The following ST6GALNAC5 variants were observed in gnomAD, a reference collection of about 807,000 sequenced individuals.
ST6GALNAC5 encodes ST6 N-acetylgalactosaminide alpha-2,6-sialyltransferase 5.
Under a neutral mutation model 33.6 loss-of-function variants are expected in ST6GALNAC5, and 27 were observed. The ratio of observed to expected loss-of-function variants is 0.80; its 90% CI spans 0.59 to 1.11. The LOEUF is 1.11. ST6GALNAC5 is among the 50% of genes least tolerant of loss of function. The pLI is 0.00. For missense variants in ST6GALNAC5, 428 were observed against 454.0 expected, an observed-to-expected ratio of 0.94 and a Z score of 0.52; for synonymous variants, 194 against 171.2, an observed-to-expected ratio of 1.13 and a Z score of -1.04.
In ST6GALNAC5 at chr1:76,868,729, T is replaced by G; in HGVS notation, c.248T>G (p.Val83Gly). 6.6e-7 allele frequency: 1 copy of G among 1,510,418 alleles called. No homozygotes were observed. Among genetic ancestry groups the G allele is most frequent in the Non-Finnish European group, 8.8e-7 (1 of 1,132,338 alleles). The allele number at this position is 1,510,418 out of a possible 1,614,324, so 93.6% of individuals were successfully genotyped here. ...GPRPLDGYLG[V>G]ADHKPLKMHC... is the part of the protein sequence containing the mutation. ...CGGCCACTGGACGGATACCTCGGAG[T>G]GGCGGACCACAAGGTGACAGCATGC... Residue 83 changes from valine (V) to glycine (G), a missense_variant, in exon 2 of 5, where the codon GTG becomes GGG. By Grantham distance (109) the Val-to-Gly change is moderately radical (BLOSUM62 -3). Coordinates refer to ENST00000477717, the MANE Select transcript of ST6GALNAC5 (RefSeq NM_030965.3). The surrounding 1 kb of genome is among the most constrained non-coding windows in gnomAD (Gnocchi z 4.3).
At chr1:76,912,728 C>T (rs1488560527) in intron 2 of ST6GALNAC5, among the ~76,000 whole-genome samples, 1 of 151,948 alleles carries the variant, frequency 6.6e-6, no homozygotes, top group Non-Finnish European at 1.5e-5. Context: ...TCTGTTTTAT[C>T]AGAGACTAGG....
chr1:76,867,813 G>A lies in ST6GALNAC5; in HGVS notation c.15+123G>A. ...GGCCGCGAGGTCGCCTGTTACAAAG[G>A]GACAACTTTCTACCCGCTCCGCGTT... On this transcript the variant is annotated intron_variant, in intron 1 of 4. Coordinates refer to ENST00000477717, the MANE Select transcript of ST6GALNAC5 (RefSeq NM_030965.3). 16 of 1,407,774 alleles carry A rather than the reference G, an allele frequency of 1.1e-5. No homozygotes were observed. In the South Asian group the frequency reaches 1.2e-4, roughly 10 times the overall value. The allele number at this position is 1,407,774 out of a possible 1,614,324, so 87.2% of individuals were successfully genotyped here.
intron 2 of ST6GALNAC5, among the ~76,000 whole-genome samples, chr1:77,036,455 A>G (rs531519776): frequency 2.0e-5 from 3 of 152,344 alleles, no homozygotes; most frequent in Non-Finnish European, 2.9e-5. Flanking sequence ...ATAATTTTAC[A>G]AATAGAATGG....
chr1:77,031,771 C>A (rs1380271066), intron 2 of ST6GALNAC5, among the ~76,000 whole-genome samples: 2 of 152,176 alleles, frequency 1.3e-5, no homozygotes, highest in Non-Finnish European at 2.9e-5. Flanking sequence ...ATTTGTACAG[C>A]AAATATATAG....
chr1:77,033,184 G>C (rs1570118656), intron 2 of ST6GALNAC5, among the ~76,000 whole-genome samples: 2 of 152,182 alleles, frequency 1.3e-5, no homozygotes, highest in East Asian at 3.9e-4. Flanking sequence ...AAATAGGCCT[G>C]TCCCACTGAC....
intron 4 of ST6GALNAC5, among the ~76,000 whole-genome samples, chr1:77,060,751 T>C (rs959121574): frequency 1.4e-4 from 22 of 152,174 alleles, no homozygotes; most frequent in Non-Finnish European, 2.9e-4. Flanking sequence ...GTAGCATCTT[T>C]AGCTGGTTTC....
chr1:76,954,481 G>C (rs1477470919), intron 2 of ST6GALNAC5, among the ~76,000 whole-genome samples: 1 of 152,002 alleles, frequency 6.6e-6, no homozygotes, highest in Non-Finnish European at 1.5e-5. Context: ...CATGGCACAC[G>C]TTTACCTGTG....
intron 4 of ST6GALNAC5, among the ~76,000 whole-genome samples, chr1:77,052,510 G>C (rs1652255913): frequency 6.6e-6 from 1 of 152,096 alleles, no homozygotes; most frequent in South Asian, 2.1e-4. Context: ...GTTGGATGCA[G>C]TTCCTAGCAC....
chr1:77,050,106 T>C (rs1048313365), intron 3 of ST6GALNAC5, 152 bp from the exon 4 acceptor site: 4 of 614,604 alleles, frequency 6.5e-6, no homozygotes, highest in African/African-American at 3.6e-5. Context: ...GTAAGAGATG[T>C]CAATTTGATA....
chr1:76,898,214 G>A (rs1279932036), intron 2 of ST6GALNAC5, among the ~76,000 whole-genome samples: 7 of 152,178 alleles, frequency 4.6e-5, no homozygotes, highest in South Asian at 2.1e-4. Flanking sequence ...CGGCCCAGTG[G>A]CCAGATTTCC....
intron 2 of ST6GALNAC5, among the ~76,000 whole-genome samples, chr1:76,954,944 T>C (rs1160868036): frequency 6.6e-6 from 1 of 152,142 alleles, no homozygotes; most frequent in Admixed American, 6.6e-5. Context: ...ATTTAACAAA[T>C]ACTTGATGAG....
chr1:76,976,020 C>T (rs1011781750), intron 2 of ST6GALNAC5, among the ~76,000 whole-genome samples: 3 of 151,970 alleles, frequency 2.0e-5, no homozygotes, highest in Admixed American at 6.6e-5. Flanking sequence ...GCTTGAAACC[C>T]GGAGGTGGAG....
Position 77,033,591 on chromosome 1 carries a change from G to A in ST6GALNAC5, c.262-10613G>A, listed in dbSNP as rs1033951002. ...TGGCACATTAGTTGAACACTTAGTC[G>A]TGTTATGTGGGGTAACATCGTTGTT... On this transcript the variant is annotated intron_variant, in intron 2 of 4. Transcript: ENST00000477717. 3.5e-5 allele frequency among the ~76,000 whole-genome samples: 5 copies of A among 142,566 alleles called. No individual in the cohort carries two copies. The East Asian group carries it at 7.9e-4, about 23-fold the overall frequency. The allele number at this position is 142,566 out of a possible 152,430, so 93.5% of individuals were successfully genotyped here. A position where few individuals can be genotyped will look rare whatever the true frequency, so the allele number is the denominator to read the frequency against.
chr1:76,902,021 G>A (rs1281570554), intron 2 of ST6GALNAC5, among the ~76,000 whole-genome samples: 3 of 151,906 alleles, frequency 2.0e-5, no homozygotes, highest in Non-Finnish European at 4.4e-5. Flanking sequence ...ATCCAGAAAA[G>A]TGTTATAAAA....
At chr1:77,032,399 T>C (rs1449651954) in intron 2 of ST6GALNAC5, among the ~76,000 whole-genome samples, 1 of 152,048 alleles carries the variant, frequency 6.6e-6, no homozygotes, top group Non-Finnish European at 1.5e-5. Context: ...GATAGTGAGT[T>C]GAACCAGGGG....
At chr1:76,969,145 C>T (rs558321971) in intron 2 of ST6GALNAC5, among the ~76,000 whole-genome samples, 1 of 152,296 alleles carries the variant, frequency 6.6e-6, no homozygotes. Context: ...ACTGAGGTTC[C>T]TGGTTCATCA....
At chr1:76,980,174 G>A (rs1649193151) in intron 2 of ST6GALNAC5, among the ~76,000 whole-genome samples, 1 of 151,942 alleles carries the variant, frequency 6.6e-6, no homozygotes, top group African/African-American at 2.4e-5. Context: ...CATAAGTCCT[G>A]CTTTAATAGT....
At chr1:76,872,421 A>G (rs1170698417) in intron 2 of ST6GALNAC5, among the ~76,000 whole-genome samples, 2 of 152,186 alleles carry the variant, frequency 1.3e-5, no homozygotes, top group African/African-American at 4.8e-5. Flanking sequence ...AGTAGCCCCC[A>G]GGGATGGATT....
intron 2 of ST6GALNAC5, among the ~76,000 whole-genome samples, chr1:76,944,644 C>T (rs1647450508): frequency 6.6e-6 from 1 of 152,070 alleles, no homozygotes; most frequent in African/African-American, 2.4e-5. Context: ...AAGAATGAGC[C>T]TTCCAGACGA....
Sources: allele counts gnomAD v4.1 joint callset (sites outside exome capture counted in the v4.1 genomes callset), GRCh38; gene constraint gnomAD v4.1.1; non-coding constraint Gnocchi (gnomAD v3.1); transcripts MANE v1.5; gene names NCBI Gene and HGNC (gene_info 2026-07-23, HGNC 2026-07-21).